Variants in RAB18 observed in about 807,000 individuals in gnomAD.
The protein encoded by RAB18 is ras-related protein Rab-18.
Under a neutral mutation model 28.5 loss-of-function variants are expected in RAB18, and 10 were observed. The ratio of observed to expected loss-of-function variants is 0.35; its 90% CI spans 0.22 to 0.60. The LOEUF (loss-of-function observed/expected upper bound fraction) is 0.60, where lower values mean the gene tolerates loss of function less well. RAB18 is among the 20% of genes least tolerant of loss of function. The pLI, the probability that RAB18 is intolerant of heterozygous loss-of-function variation, is 0.78. For synonymous variants in RAB18, 93 were observed against 86.9 expected (o/e 1.07, Z -0.39); for missense variants, 188 against 244.2 (o/e 0.77, Z 1.53).
At chr10:27,531,682 G>A in intron 3 of RAB18, 1 of 711,140 alleles carries the variant, frequency 1.4e-6, no homozygotes, top group Non-Finnish European at 2.6e-6. Context: ...GGGCTGAGCT[G>A]CTTTGTATAA....
chr10:27,519,252 T>C (rs1834500661), intron 2 of RAB18, among the ~76,000 whole-genome samples: 1 of 152,100 alleles, frequency 6.6e-6, no homozygotes, highest in Admixed American at 6.5e-5. Flanking sequence ...ATCCATCATG[T>C]ATTCTTGATA....
chr10:27,511,650 A>T (rs555886427), intron 2 of RAB18, among the ~76,000 whole-genome samples: 1 of 152,326 alleles, frequency 6.6e-6, no homozygotes, highest in East Asian at 1.9e-4. Flanking sequence ...GATTCAGGTT[A>T]TGCAGTTTTG....
intron 2 of RAB18, among the ~76,000 whole-genome samples, chr10:27,524,911 A>T (rs1408897910): frequency 6.6e-6 from 1 of 152,234 alleles, no homozygotes; most frequent in East Asian, 1.9e-4. Flanking sequence ...GATTTAGATT[A>T]GGTGCCCCTT....
intron 1 of RAB18, 69 bp downstream of exon 1, chr10:27,504,506 G>T: frequency 6.7e-7 from 1 of 1,498,230 alleles, no homozygotes. Flanking sequence ...GCTGTCTCCT[G>T]GGCCGCGACG....
chr10:27,538,765 G>A lies in RAB18; in HGVS notation c.*714G>A, dbSNP rs1425762995. 4.4e-6 allele frequency: 2 copies of A among 453,920 alleles called. No homozygotes were observed. Among genetic ancestry groups the A allele is most frequent in the East Asian group, 6.9e-5 (1 of 14,402 alleles). The allele number at this position is 453,920 out of a possible 1,614,324, so 28.1% of individuals were successfully genotyped here. ...CAGCATTTTTAGTTATGTGGTGTTT[G>A]GCAGAATGACAATAAGGTTTTCCCC... is the stretch of plus-strand genomic sequence containing the variant. On this transcript the variant is annotated 3_prime_UTR_variant, in exon 7 of 7. Coordinates refer to ENST00000356940, the MANE Select transcript of RAB18 (RefSeq NM_021252.5).
At chr10:27,526,321 G>GA (rs1834671799) in intron 2 of RAB18, among the ~76,000 whole-genome samples, 1 of 152,170 alleles carries the variant, frequency 6.6e-6, no homozygotes, top group Non-Finnish European at 1.5e-5. Flanking sequence ...AAAATAAAGA[G>GA]ATTATATGAC....
rs1564840136 is a variant in RAB18 at position 27,539,163 on chromosome 10, TCA to T, written c.*1113_*1114del. 2.8e-6 allele frequency: 1 copy of T among 354,122 alleles called. No individual in the cohort carries two copies. The highest frequency in any genetic ancestry group is 5.5e-6 in the Non-Finnish European group (1 of 181,230). 21.9% of individuals were successfully genotyped at this position (354,122 alleles called of 1,614,324 possible). On this transcript the variant is annotated 3_prime_UTR_variant, in exon 7 of 7. Coordinates refer to ENST00000356940, the MANE Select transcript of RAB18 (RefSeq NM_021252.5). ...GACTAATAAATCTTTTTCACAGTAT[TCA>T]GTTTTCTCACCTCTTGCTATTGTAT...
In RAB18 at chr10:27,541,303, A is replaced by G; in HGVS notation, c.*3252A>G. The G allele has an allele frequency of 4.4e-6, 2 of 453,484 alleles. No individual in the cohort carries two copies. The highest frequency in any genetic ancestry group is 8.8e-6 in the Non-Finnish European group (2 of 226,732). 28.1% of individuals were successfully genotyped at this position (453,484 alleles called of 1,614,324 possible). On this transcript the variant is annotated 3_prime_UTR_variant, in exon 7 of 7. Transcript: ENST00000356940. ...ATAAATAGACATAGACAGGCTAGCT[A>G]AGTCAAGACTAGGGGCTAAGGAATA...
At chr10:27,516,353 C>T (rs1045161523) in intron 2 of RAB18, among the ~76,000 whole-genome samples, 2 of 151,964 alleles carry the variant, frequency 1.3e-5, no homozygotes, top group South Asian at 2.1e-4. Flanking sequence ...GTCAGGAGTT[C>T]GAGACCAGCC....
In RAB18 at chr10:27,540,322, A is replaced by G; in HGVS notation, c.*2271A>G. ...TGTAGGTATGTTAGGTAACCCCCAA[A>G]GATCACATAGCTACTCAGTCACTGA... is the stretch of plus-strand genomic sequence containing the variant. On this transcript the variant is annotated 3_prime_UTR_variant, in exon 7 of 7. Coordinates refer to ENST00000356940, the MANE Select transcript of RAB18 (RefSeq NM_021252.5). 1 of 454,074 alleles carries G rather than the reference A, an allele frequency of 2.2e-6. No homozygotes were observed. The highest frequency in any genetic ancestry group is 2.0e-5 in the African/African-American group (1 of 50,122). The allele number at this position is 454,074 out of a possible 1,614,324, so 28.1% of individuals were successfully genotyped here.
chr10:27,532,853 G>A (rs1424748691), intron 4 of RAB18, among the ~76,000 whole-genome samples: 3 of 152,084 alleles, frequency 2.0e-5, no homozygotes, highest in African/African-American at 7.2e-5. Flanking sequence ...ATGTTGGACT[G>A]TCTTGGAGTA....
At chr10:27,534,018 T>C in intron 6 of RAB18, 24 bp downstream of exon 6, 1 of 1,559,966 alleles carries the variant, frequency 6.4e-7, no homozygotes, top group South Asian at 1.1e-5. Context: ...TGAATATCTG[T>C]CCTTTCATTA....
At chr10:27,530,266 A>G (rs1437453749) in intron 3 of RAB18, among the ~76,000 whole-genome samples, 1 of 152,070 alleles carries the variant, frequency 6.6e-6, no homozygotes, top group Non-Finnish European at 1.5e-5. Context: ...TTATGAATAT[A>G]GAACAGTGTT....
chr10:27,522,674 T>A (rs967872889), intron 2 of RAB18, among the ~76,000 whole-genome samples: 9 of 152,146 alleles, frequency 5.9e-5, no homozygotes, highest in African/African-American at 2.2e-4. Flanking sequence ...TTGACTCTCT[T>A]CACATTTCCT....
intron 6 of RAB18, 57 bp from the exon 7 acceptor site, chr10:27,537,819 A>T: frequency 6.8e-7 from 1 of 1,471,120 alleles, no homozygotes. Context: ...CCAGAAAAAC[A>T]TGAGAATATG....
intron 6 of RAB18, among the ~76,000 whole-genome samples, chr10:27,535,075 G>A (rs532627203): frequency 6.6e-6 from 1 of 152,266 alleles, no homozygotes; most frequent in South Asian, 2.1e-4. Flanking sequence ...TAAGGGGAGA[G>A]AGAATGACTG....
chr10:27,534,899 C>T (rs1255149649), intron 6 of RAB18, among the ~76,000 whole-genome samples: 1 of 152,200 alleles, frequency 6.6e-6, no homozygotes, highest in African/African-American at 2.4e-5. Flanking sequence ...CTTTTACTTG[C>T]TGTATGTCCC....
intron 3 of RAB18, among the ~76,000 whole-genome samples, chr10:27,532,213 T>G (rs899660471): frequency 6.6e-6 from 1 of 152,052 alleles, no homozygotes; most frequent in Non-Finnish European, 1.5e-5. Flanking sequence ...AAAATTTCAT[T>G]GTGCAGCTGG....
chr10:27,506,412 C>G (rs571017835), intron 1 of RAB18, among the ~76,000 whole-genome samples: 1 of 152,096 alleles, frequency 6.6e-6, no homozygotes, highest in Non-Finnish European at 1.5e-5. Flanking sequence ...GTCTCAATCT[C>G]CTGGGCTCAA....
Sources: gnomAD v4.1 joint callset for allele counts (sites outside exome capture counted in the v4.1 genomes callset) on GRCh38, gnomAD v4.1.1 for gene constraint, MANE v1.5 for transcripts, NCBI Gene and HGNC (gene_info 2026-07-23, HGNC 2026-07-21) for gene names.